Variants in STK39 observed in about 807,000 individuals in gnomAD.
The protein encoded by STK39 is STE20/SPS1-related proline-alanine-rich protein kinase.
A neutral mutation model predicts 77.8 loss-of-function variants in STK39; 20 were observed. The ratio of observed to expected loss-of-function variants is 0.26; its 90% CI spans 0.18 to 0.37. The LOEUF (loss-of-function observed/expected upper bound fraction) is 0.37, where lower values mean the gene tolerates loss of function less well. Ranked by LOEUF, STK39 falls within the 10% of genes least tolerant of loss-of-function variation. The pLI is 1.00. For missense variants in STK39, 479 were observed against 656.5 expected, an observed-to-expected ratio of 0.73 and a Z score of 2.95; for synonymous variants, 246 against 234.1, an observed-to-expected ratio of 1.05 and a Z score of -0.47.
intron 10 of STK39, among the ~76,000 whole-genome samples, chr2:168,088,247 G>C (rs1016163295): frequency 6.6e-6 from 1 of 152,066 alleles, no homozygotes; most frequent in Non-Finnish European, 1.5e-5. Context: ...TACCAAGGGG[G>C]TTCCTTCATA....
intron 14 of STK39, among the ~76,000 whole-genome samples, chr2:168,059,915 G>A (rs1020959242): frequency 6.6e-6 from 1 of 152,062 alleles, no homozygotes; most frequent in African/African-American, 2.4e-5. Flanking sequence ...AGCTCCTTTA[G>A]GGCAAGAAGT....
chr2:168,153,448 T>C (rs1688342073), intron 5 of STK39, among the ~76,000 whole-genome samples: 9 of 152,148 alleles, frequency 5.9e-5, no homozygotes, highest in Admixed American at 4.6e-4. Flanking sequence ...AAAACACAGA[T>C]TGCTGGGCCC....
chr2:168,065,917 C>T (rs1246753795), intron 12 of STK39, among the ~76,000 whole-genome samples: 1 of 152,128 alleles, frequency 6.6e-6, no homozygotes, highest in Non-Finnish European at 1.5e-5. Context: ...TTATACTCCT[C>T]TCTCAAAGTT....
rs774637794 is a variant in STK39, at chr2:168,247,431, G to A, written c.5C>T (p.Ala2Val). The A allele has an allele frequency of 1.4e-5, 18 of 1,271,162 alleles. 1 individual carries two copies. The highest frequency in any genetic ancestry group is 1.6e-5 in the Non-Finnish European group (16 of 997,630). The allele number at this position is 1,271,162 out of a possible 1,614,324, so 78.7% of individuals were successfully genotyped here. M[A>V]EPSGSPVHVQ... ...GTGCACGGGCGAGCCGCTCGGCTCCGCCATGATGCTGCGGAGGAGAGCAGG... is the reference window on the plus strand; with the variant it reads ...GTGCACGGGCGAGCCGCTCGGCTCCACCATGATGCTGCGGAGGAGAGCAGG... The change falls in exon 1 of 18, where the codon GCG becomes GTG. Residue 2 changes from alanine (A) to valine (V), a missense_variant. By Grantham distance (64) the Ala-to-Val change is moderately conservative. Around this residue, in one of 3 missense-constraint regions of STK39, gnomAD observed 96 missense variants for 79.1 expected, o/e 1.21. Transcript: ENST00000355999.
At chr2:168,135,431 T>C (rs1687806212) in intron 8 of STK39, among the ~76,000 whole-genome samples, 1 of 152,242 alleles carries the variant, frequency 6.6e-6, no homozygotes, top group African/African-American at 2.4e-5. Context: ...AGCTAAGCCA[T>C]GCAGATGTTG....
intron 14 of STK39, among the ~76,000 whole-genome samples, chr2:168,052,291 CCTT>C (rs1685418990): frequency 6.6e-6 from 1 of 152,160 alleles, no homozygotes; most frequent in African/African-American, 2.4e-5. Context: ...ACTCTCCACA[CCTT>C]CTATGAACTT....
intron 16 of STK39, among the ~76,000 whole-genome samples, chr2:167,977,703 T>C (rs748619464): frequency 6.6e-5 from 10 of 152,224 alleles, no homozygotes; most frequent in Non-Finnish European, 1.2e-4. Context: ...TGGAACCCTC[T>C]GAATTGTGGG....
chr2:167,995,300 G>C (rs1683808128), intron 16 of STK39, among the ~76,000 whole-genome samples: 1 of 151,960 alleles, frequency 6.6e-6, no homozygotes, highest in Non-Finnish European at 1.5e-5. Context: ...AGTAGAGACG[G>C]GGTTTCACCA....
At chr2:168,008,274 G>A (rs1054944146) in intron 16 of STK39, among the ~76,000 whole-genome samples, 5 of 152,236 alleles carry the variant, frequency 3.3e-5, no homozygotes, top group Admixed American at 6.5e-5. Flanking sequence ...GGAGTTGAGA[G>A]GGGCTTGAAA....
chr2:167,975,517 G>C (rs1229118244), intron 16 of STK39, among the ~76,000 whole-genome samples: 1 of 152,152 alleles, frequency 6.6e-6, no homozygotes, highest in Non-Finnish European at 1.5e-5. Flanking sequence ...TCCAAGTAGT[G>C]CAAAAGGTGG....
At chr2:168,058,117 A>C (rs1030028479) in intron 14 of STK39, among the ~76,000 whole-genome samples, 1 of 152,174 alleles carries the variant, frequency 6.6e-6, no homozygotes, top group Non-Finnish European at 1.5e-5. Context: ...ATCTGTACTA[A>C]CAAGTTATCT....
chr2:168,123,684 C>T (rs1042253772), intron 10 of STK39, among the ~76,000 whole-genome samples: 5 of 151,980 alleles, frequency 3.3e-5, no homozygotes, highest in African/African-American at 1.2e-4. Context: ...GCCTGGCCAA[C>T]ATGGTGAAAT....
chr2:168,044,062 C>T (rs1398813746), intron 14 of STK39, among the ~76,000 whole-genome samples: 3 of 152,148 alleles, frequency 2.0e-5, no homozygotes, highest in Non-Finnish European at 2.9e-5. Context: ...TGTGTGAAAG[C>T]CCTTGTTCAT....
intron 10 of STK39, among the ~76,000 whole-genome samples, chr2:168,107,250 T>C (rs1376687024): frequency 6.6e-6 from 1 of 152,206 alleles, no homozygotes; most frequent in East Asian, 1.9e-4. Context: ...CTAATTCCCA[T>C]ACGAATAACT....
At chr2:167,964,116 G>A (rs922134964) in intron 17 of STK39, among the ~76,000 whole-genome samples, 1 of 152,244 alleles carries the variant, frequency 6.6e-6, no homozygotes. Context: ...ATCTACTAGT[G>A]CAGAATAACT....
At chr2:168,018,152 ATAT>A (rs1559059106) in intron 14 of STK39, among the ~76,000 whole-genome samples, 1 of 152,210 alleles carries the variant, frequency 6.6e-6, no homozygotes, top group Non-Finnish European at 1.5e-5. Context: ...GAACACTAAA[ATAT>A]TATAAGTATC....
chr2:168,036,605 A>G (rs1485113924), intron 14 of STK39, among the ~76,000 whole-genome samples: 7 of 152,232 alleles, frequency 4.6e-5, no homozygotes, highest in African/African-American at 1.7e-4. Flanking sequence ...CGAAGGCAAC[A>G]CAGAGCTTCA....
intron 16 of STK39, among the ~76,000 whole-genome samples, chr2:167,980,292 A>G (rs1559042498): frequency 6.6e-6 from 1 of 152,202 alleles, no homozygotes; most frequent in Non-Finnish European, 1.5e-5. Flanking sequence ...CTAATCAGTG[A>G]GAAGAAATAT....
Position 168,161,815 on chromosome 2 carries a change from C to G in STK39, c.600G>C (p.Leu200=). ...CTATTTGTACTGAACCATCCTCACCCAGAAGAATATTACCAGCTTTCAAAT... is the reference window on the plus strand; with the variant it reads ...CTATTTGTACTGAACCATCCTCACCGAGAAGAATATTACCAGCTTTCAAAT... ...HRDLKAGNIL[L]GEDGSVQIAD... Residue 200 remains leucine, a synonymous_variant, in exon 5 of 18, where the codon CTG becomes CTC. Transcript: ENST00000355999. The G allele has an allele frequency of 6.2e-7, 1 of 1,610,108 alleles. No individual in the cohort carries two copies. The highest frequency in any genetic ancestry group is 8.5e-7 in the Non-Finnish European group (1 of 1,178,288).
Sources: allele counts gnomAD v4.1 joint callset (sites outside exome capture counted in the v4.1 genomes callset), GRCh38; gene constraint gnomAD v4.1.1; regional missense constraint gnomAD v4.1.1; transcripts MANE v1.5; gene names NCBI Gene and HGNC (gene_info 2026-07-23, HGNC 2026-07-21).